Variants in CSMD1 observed in about 807,000 individuals in gnomAD.
CSMD1 encodes the protein CUB and Sushi multiple domains 1.
In CSMD1, 213 loss-of-function variants were observed where a neutral mutation model predicts 417.5. That is an observed-to-expected ratio of 0.51 (90% CI 0.46 to 0.57). CSMD1 has a LOEUF of 0.57. Among genes scored for constraint, CSMD1 ranks in the 20% least tolerant of loss-of-function variants. The pLI, the probability that CSMD1 is intolerant of heterozygous loss-of-function variation, is 0.00. For missense variants in CSMD1, 6,923 were observed against 4,529.7 expected, an observed-to-expected ratio of 1.53 and a Z score of -15.17; for synonymous variants, 2,862 against 1,736.8, an observed-to-expected ratio of 1.65 and a Z score of -16.11.
chr8:3,898,120 G>T (rs1181836970), intron 5 of CSMD1, among the ~76,000 whole-genome samples: 1 of 152,124 alleles, frequency 6.6e-6, no homozygotes, highest in African/African-American at 2.4e-5. Flanking sequence ...TCACCATATA[G>T]CAGAGTTTCT....
chr8:3,666,617 G>C (rs1438396102), intron 7 of CSMD1, among the ~76,000 whole-genome samples: 1 of 152,210 alleles, frequency 6.6e-6, no homozygotes, highest in South Asian at 2.1e-4. Context: ...TGTTGTGAGA[G>C]GGACCCAGAG....
At chr8:4,122,070 A>G (rs187777795) in intron 3 of CSMD1, among the ~76,000 whole-genome samples, 9 of 152,194 alleles carry the variant, frequency 5.9e-5, no homozygotes, top group Admixed American at 5.9e-4. Context: ...ATAAATTTAT[A>G]AAATATATAT....
rs368925719 is a variant in CSMD1, at chr8:3,157,870, G to A, written c.5914+27C>T. The stretch of plus-strand genomic sequence containing the variant: ...TGTTCTTCCCAGTGTGTGCGCAGCA[G>A]CAGAGTTACAGAAGGTGCATCCTTA... On this transcript the variant is annotated intron_variant, in intron 39 of 69. Transcript: ENST00000635120. 1.8e-5 allele frequency: 28 copies of A among 1,532,698 alleles called. No homozygotes were observed. The African/African-American group carries it at 3.7e-4, about 20-fold the overall frequency. 94.9% of individuals were successfully genotyped at this position (1,532,698 alleles called of 1,614,324 possible). A position where few individuals can be genotyped will look rare whatever the true frequency, so the allele number is the denominator to read the frequency against.
At chr8:4,787,823 C>CTATA in intron 1 of CSMD1, 2 of 1,572,894 alleles carry the variant, frequency 1.3e-6, no homozygotes, top group East Asian at 4.5e-5. Flanking sequence ...GCTACACAGG[C>CTATA]TATATTTGAA....
intron 3 of CSMD1, among the ~76,000 whole-genome samples, chr8:4,157,894 G>C (rs187448804): frequency 1.9e-4 from 29 of 152,302 alleles, no homozygotes; most frequent in African/African-American, 6.7e-4. Context: ...CAGGACAACA[G>C]GATGCTGAAC....
chr8:4,796,470 G>C (rs1236025435), intron 1 of CSMD1, among the ~76,000 whole-genome samples: 1 of 149,472 alleles, frequency 6.7e-6, no homozygotes, highest in East Asian at 2.0e-4. Context: ...ATATCTTTGA[G>C]AGCTTCTTGA....
At chr8:3,908,124 GA>G (rs1458737313) in intron 5 of CSMD1, among the ~76,000 whole-genome samples, 2 of 152,110 alleles carry the variant, frequency 1.3e-5, no homozygotes, top group Non-Finnish European at 2.9e-5. Context: ...GCCCCTCTGA[GA>G]ATAACAAATA....
chr8:4,046,645 G>A (rs979888175), intron 3 of CSMD1, among the ~76,000 whole-genome samples: 1 of 152,154 alleles, frequency 6.6e-6, no homozygotes, highest in Non-Finnish European at 1.5e-5. Context: ...AACAACAAGT[G>A]TGCAGATAGG....
chr8:4,248,197 T>G (rs1802827078), intron 3 of CSMD1, among the ~76,000 whole-genome samples: 1 of 152,184 alleles, frequency 6.6e-6, no homozygotes, highest in African/African-American at 2.4e-5. Context: ...TTTCATGACA[T>G]GACATGACAT....
intron 8 of CSMD1, among the ~76,000 whole-genome samples, chr8:3,590,185 T>C: frequency 1.3e-5 from 2 of 152,310 alleles, no homozygotes; most frequent in South Asian, 4.2e-4. Context: ...TCTATCTATA[T>C]TTATATCTAA....
intron 1 of CSMD1, among the ~76,000 whole-genome samples, chr8:4,691,770 A>G (rs1264271837): frequency 6.6e-6 from 1 of 152,244 alleles, no homozygotes; most frequent in Non-Finnish European, 1.5e-5. Context: ...CAGCAGTGGA[A>G]TGCTAAATTT....
At chr8:3,819,646 C>T (rs1372778826) in intron 5 of CSMD1, among the ~76,000 whole-genome samples, 3 of 152,054 alleles carry the variant, frequency 2.0e-5, no homozygotes, top group Non-Finnish European at 2.9e-5. Flanking sequence ...TACAGTGGAG[C>T]AATCATGACT....
chr8:4,629,646 T>TA (rs1308716449), intron 2 of CSMD1, among the ~76,000 whole-genome samples: 1 of 152,184 alleles, frequency 6.6e-6, no homozygotes, highest in Non-Finnish European at 1.5e-5. Flanking sequence ...GTGTCCTGCC[T>TA]AGAAAGACAC....
intron 26 of CSMD1, among the ~76,000 whole-genome samples, chr8:3,270,046 C>CTTTTTTTTTTTTT (rs200994813): frequency 4.2e-5 from 5 of 118,394 alleles, no homozygotes; most frequent in African/African-American, 1.2e-4. Context: ...CTAACCTCTT[C>CTTTTTTTTTTTTT]TTTTTTTTTT....
chr8:4,672,947 C>T (rs1182649567), intron 1 of CSMD1, among the ~76,000 whole-genome samples: 1 of 151,988 alleles, frequency 6.6e-6, no homozygotes, highest in Non-Finnish European at 1.5e-5. Context: ...TACATGGTGA[C>T]ACGGCACACA....
chr8:4,050,705 C>G (rs559919711), intron 3 of CSMD1, among the ~76,000 whole-genome samples: 1 of 152,142 alleles, frequency 6.6e-6, no homozygotes, highest in East Asian at 1.9e-4. Context: ...AAGCCCCAAC[C>G]TCAAAAACTA....
chr8:3,893,614 T>C (rs1220534132), intron 5 of CSMD1, among the ~76,000 whole-genome samples: 1 of 151,960 alleles, frequency 6.6e-6, no homozygotes, highest in Non-Finnish European at 1.5e-5. Context: ...CATTAGAATC[T>C]ACTTACTGTG....
intron 1 of CSMD1, among the ~76,000 whole-genome samples, chr8:4,890,792 A>G (rs543888552): frequency 6.6e-6 from 1 of 152,282 alleles, no homozygotes; most frequent in South Asian, 2.1e-4. Context: ...CCGACCTAAT[A>G]CATTCCGGTT....
rs5889045 is a variant in CSMD1 at position 4,538,191 on chromosome 8, A to ATTTT, written c.302+99147_302+99150dup. Among the ~76,000 whole-genome samples, 9 of 144,928 alleles carry ATTTT rather than the reference A, an allele frequency of 6.2e-5. No homozygotes were observed. In the East Asian group the frequency reaches 1.4e-3, roughly 23 times the overall value. On this transcript the variant is annotated intron_variant, in intron 2 of 69. Transcript: ENST00000635120. ...GTAACATGCAACTGGAGGTGGCTAC[A>ATTTT]TTTTTTTTTTTTTTGCCTGCTATTT...
Sources: allele counts gnomAD v4.1 joint callset (sites outside exome capture counted in the v4.1 genomes callset), GRCh38; gene constraint gnomAD v4.1.1; transcripts MANE v1.5; gene names NCBI Gene and HGNC (gene_info 2026-07-23, HGNC 2026-07-21).